Variants in LIPC observed in about 807,000 individuals in gnomAD.
LIPC encodes the protein lipase C, hepatic type.
In LIPC, 44 loss-of-function variants were observed where a neutral mutation model predicts 50.7. The ratio of observed to expected loss-of-function variants is 0.87; its 90% CI spans 0.68 to 1.11. The LOEUF is 1.11. Among genes scored for constraint, LIPC ranks in the 50% most tolerant of loss-of-function variants. The pLI is 0.00. For missense variants in LIPC, 697 were observed against 648.2 expected (o/e 1.08, Z -0.82); for synonymous variants, 271 against 256.4 (o/e 1.06, Z -0.54).
At chr15:58,541,125 C>T (rs1893304790) in intron 2 of LIPC, among the ~76,000 whole-genome samples, 1 of 152,152 alleles carries the variant, frequency 6.6e-6, no homozygotes, top group Admixed American at 6.5e-5. Flanking sequence ...TCTTACTGGA[C>T]TCCTATTGAT....
At chr15:58,545,610 G>C in intron 4 of LIPC, 132 bp from the exon 5 acceptor site, 1 of 751,448 alleles carries the variant, frequency 1.3e-6, no homozygotes, top group South Asian at 1.7e-5. Context: ...GGTTTTCTAG[G>C]GAAGGATCAG....
intron 6 of LIPC, among the ~76,000 whole-genome samples, chr15:58,552,504 T>A (rs980954958): frequency 3.3e-5 from 5 of 152,056 alleles, no homozygotes; most frequent in African/African-American, 1.2e-4. Context: ...CCTCCACTCT[T>A]CTCCTGTCTT....
At chr15:58,563,302 C>T (rs888492930) in intron 7 of LIPC, among the ~76,000 whole-genome samples, 3 of 152,152 alleles carry the variant, frequency 2.0e-5, no homozygotes, top group Non-Finnish European at 2.9e-5. Context: ...GTATAGTTTT[C>T]GCAATTTTAT....
chr15:58,440,292 A>G lies in LIPC; in HGVS notation c.88+8172A>G, dbSNP rs558898825. On this transcript the variant is annotated intron_variant, in intron 1 of 8. Coordinates refer to ENST00000299022, the MANE Select transcript of LIPC (RefSeq NM_000236.3). Reference sequence around the variant, plus strand: ...CAGGAAAATTCTTTTCCTATGAGTGAGGCATTATCAAAGCAGGGCAGAGCC... The same window carrying G: ...CAGGAAAATTCTTTTCCTATGAGTGGGGCATTATCAAAGCAGGGCAGAGCC... 1.2e-4 allele frequency among the ~76,000 whole-genome samples: 18 copies of G among 152,324 alleles called. No homozygotes were observed. In the South Asian group the frequency reaches 3.7e-3, roughly 32 times the overall value.
chr15:58,502,325 C>G (rs1037566494), intron 1 of LIPC, among the ~76,000 whole-genome samples: 1 of 152,146 alleles, frequency 6.6e-6, no homozygotes, highest in African/African-American at 2.4e-5. Context: ...CCCACCCTCC[C>G]CACCAGATTG....
intron 1 of LIPC, among the ~76,000 whole-genome samples, chr15:58,524,671 T>A (rs1213577245): frequency 6.6e-6 from 1 of 152,194 alleles, no homozygotes; most frequent in Non-Finnish European, 1.5e-5. Flanking sequence ...AGGTTGAGGA[T>A]CTTTTCATAT....
intron 1 of LIPC, among the ~76,000 whole-genome samples, chr15:58,511,700 A>G (rs1269362489): frequency 6.6e-6 from 1 of 152,252 alleles, no homozygotes; most frequent in East Asian, 1.9e-4. Context: ...CCAGGAATTC[A>G]TTCAAAGAGA....
intron 1 of LIPC, among the ~76,000 whole-genome samples, chr15:58,462,817 G>A (rs1051685235): frequency 6.6e-6 from 1 of 152,184 alleles, no homozygotes; most frequent in African/African-American, 2.4e-5. Flanking sequence ...TGGCCTCTCG[G>A]CAGAGGGGGC....
intron 1 of LIPC, chr15:58,436,670 T>C: frequency 2.2e-6 from 1 of 454,880 alleles, no homozygotes; most frequent in Non-Finnish European, 4.4e-6. Context: ...CATATGTAAA[T>C]GTTATCAGCT....
chr15:58,494,847 CT>C (rs1429603582), intron 1 of LIPC: 3 of 456,016 alleles, frequency 6.6e-6, no homozygotes, highest in Non-Finnish European at 1.3e-5. Flanking sequence ...TCTGAATGTC[CT>C]CCCTTCATCT....
At chr15:58,567,690 G>C (rs980489025) in intron 8 of LIPC, among the ~76,000 whole-genome samples, 12 of 152,082 alleles carry the variant, frequency 7.9e-5, no homozygotes, top group Admixed American at 6.6e-4. Flanking sequence ...GTGAAAAATA[G>C]TGAAATAGAC....
chr15:58,565,271 G>A, intron 8 of LIPC: 1 of 1,535,722 alleles, frequency 6.5e-7, no homozygotes, highest in Non-Finnish European at 8.7e-7. Context: ...CATTGGAGCA[G>A]CGCTGCTTCT....
intron 5 of LIPC, 80 bp downstream of exon 5, chr15:58,546,055 A>C: frequency 8.4e-7 from 1 of 1,196,148 alleles, no homozygotes; most frequent in Non-Finnish European, 1.2e-6. Flanking sequence ...CTACCAACAT[A>C]CGGGACTCAG....
intron 1 of LIPC, among the ~76,000 whole-genome samples, chr15:58,489,437 G>A (rs1891504248): frequency 6.6e-6 from 1 of 152,078 alleles, no homozygotes; most frequent in Admixed American, 6.5e-5. Context: ...GGTTTTTCAA[G>A]GATAGTTTGA....
intron 1 of LIPC, among the ~76,000 whole-genome samples, chr15:58,447,966 G>T (rs763764793): frequency 6.6e-6 from 1 of 152,156 alleles, no homozygotes; most frequent in Admixed American, 6.5e-5. Context: ...AATCCAACTG[G>T]ATATCCCTTT....
chr15:58,557,173 C>A (rs553930022), intron 6 of LIPC, among the ~76,000 whole-genome samples: 4 of 152,046 alleles, frequency 2.6e-5, no homozygotes, highest in Admixed American at 1.3e-4. Context: ...TGTGAGCCGA[C>A]GCCCCAGCCA....
At chr15:58,490,433 T>C (rs529051725) in intron 1 of LIPC, among the ~76,000 whole-genome samples, 1 of 152,322 alleles carries the variant, frequency 6.6e-6, no homozygotes, top group Non-Finnish European at 1.5e-5. Flanking sequence ...CCTTTGTAGC[T>C]GAGTGGGTGA....
chr15:58,552,008 C>T (rs1442484226), intron 6 of LIPC, among the ~76,000 whole-genome samples: 4 of 152,186 alleles, frequency 2.6e-5, no homozygotes, highest in Admixed American at 1.3e-4. Context: ...CAATTTATCG[C>T]CCACTTCCAT....
intron 1 of LIPC, among the ~76,000 whole-genome samples, chr15:58,464,052 T>C (rs1381628185): frequency 2.0e-5 from 3 of 152,096 alleles, no homozygotes; most frequent in Non-Finnish European, 4.4e-5. Flanking sequence ...TAACCCCACC[T>C]GAAAAATCCA....
Sources: allele counts gnomAD v4.1 joint callset (sites outside exome capture counted in the v4.1 genomes callset), GRCh38; gene constraint gnomAD v4.1.1; transcripts MANE v1.5; gene names NCBI Gene and HGNC (gene_info 2026-07-23, HGNC 2026-07-21).